Variants in ZNF398 observed in about 807,000 individuals in gnomAD.
The protein encoded by ZNF398 is zinc finger DNA binding protein ZER6.
In ZNF398, 18 loss-of-function variants were observed where a neutral mutation model predicts 41.9. The ratio of observed to expected loss-of-function variants is 0.43; its 90% CI spans 0.30 to 0.64. The LOEUF (loss-of-function observed/expected upper bound fraction) is 0.64, where lower values mean the gene tolerates loss of function less well. Among genes scored for constraint, ZNF398 ranks in the 30% least tolerant of loss-of-function variants. ZNF398 has a pLI of 0.14. For missense variants in ZNF398, 669 were observed against 822.8 expected, an observed-to-expected ratio of 0.81 and a Z score of 2.29; for synonymous variants, 260 against 308.8, an observed-to-expected ratio of 0.84 and a Z score of 1.66.
intron 2 of ZNF398, 21 bp from the exon 3 acceptor site, chr7:149,166,137 C>T: frequency 6.2e-7 from 1 of 1,611,932 alleles, no homozygotes; most frequent in East Asian, 2.2e-5. Context: ...AAGGGACTAA[C>T]CCATGTGATT....
At chr7:149,132,414 G>A (rs1233187922) in intron 2 of ZNF398, among the ~76,000 whole-genome samples, 1 of 151,900 alleles carries the variant, frequency 6.6e-6, no homozygotes. Flanking sequence ...GGCTGGTCTC[G>A]AACTCCTGAC....
chr7:149,155,731 A>ATTTTTTTTTTTTTTTTTT, intron 2 of ZNF398, among the ~76,000 whole-genome samples: 1 of 56,928 alleles, frequency 1.8e-5, no homozygotes, highest in Non-Finnish European at 3.6e-5. Flanking sequence ...TTTTTTTTTA[A>ATTTTTTTTTTTTTTTTTT]TTTTTTTTTT....
At chr7:149,128,348 A>G (rs1288981498) in intron 1 of ZNF398, among the ~76,000 whole-genome samples, 1 of 152,142 alleles carries the variant, frequency 6.6e-6, no homozygotes, top group Non-Finnish European at 1.5e-5. Flanking sequence ...CATAGAAAGG[A>G]GTGTCTGGGT....
chr7:149,148,784 T>A (rs1464795478), intron 1 of ZNF398, among the ~76,000 whole-genome samples: 1 of 151,582 alleles, frequency 6.6e-6, no homozygotes, highest in Non-Finnish European at 1.5e-5. Flanking sequence ...GGACTAGGAC[T>A]GCTTTAAATG....
chr7:149,156,504 CAAAAAAAAAAAAA>C (rs1184656145), intron 2 of ZNF398, among the ~76,000 whole-genome samples: 1 of 36,498 alleles, frequency 2.7e-5, no homozygotes, highest in Non-Finnish European at 6.0e-5. Context: ...GACTCCATCT[CAAAAAAAAAAAAA>C]AAAAAAAAAA....
chr7:149,142,139 A>AGTCTTTT (rs1433332509), intron 2 of ZNF398, among the ~76,000 whole-genome samples: 1 of 152,086 alleles, frequency 6.6e-6, no homozygotes, highest in East Asian at 1.9e-4. Flanking sequence ...TTGTAGAGAT[A>AGTCTTTT]ATTGCTATAG....
chr7:149,162,549 C>T (rs918107908), intron 2 of ZNF398, among the ~76,000 whole-genome samples: 4 of 151,998 alleles, frequency 2.6e-5, no homozygotes, highest in Admixed American at 1.3e-4. Flanking sequence ...AGGCTGGTTT[C>T]GAACTCCTAA....
intron 2 of ZNF398, among the ~76,000 whole-genome samples, chr7:149,165,551 GTACAAAGCTTCA>G (rs1795210453): frequency 6.6e-6 from 1 of 152,184 alleles, no homozygotes; most frequent in African/African-American, 2.4e-5. Flanking sequence ...TTTGAAGAAT[GTACAAAGCTTCA>G]GAAAAGACTA....
intron 4 of ZNF398, among the ~76,000 whole-genome samples, chr7:149,168,802 G>C (rs997761136): frequency 6.6e-6 from 1 of 151,838 alleles, no homozygotes; most frequent in Non-Finnish European, 1.5e-5. Flanking sequence ...TGATCCACCC[G>C]CCTTGGCTTC....
chr7:149,128,783 T>TAAAATAAAATAAAATAAAATAAA (rs1826538178), intron 1 of ZNF398: 2 of 14,706 alleles, frequency 1.4e-4, no homozygotes, highest in East Asian at 0.011. Flanking sequence ...AATAAAATTA[T>TAAAATAAAATAAAATAAAATAAA]ATATATATAT....
At chr7:149,169,024 A>G (rs1317087596) in intron 4 of ZNF398, among the ~76,000 whole-genome samples, 3 of 152,226 alleles carry the variant, frequency 2.0e-5, no homozygotes, top group African/African-American at 2.4e-5. Context: ...TCTTTGGTCT[A>G]CATTATTAGT....
chr7:149,147,827 GC>G lies in ZNF398; in HGVS notation c.24+62del. On this transcript the variant is annotated intron_variant, in intron 1 of 5. Transcript: ENST00000475153. The surrounding 1 kb of genome is among the most constrained non-coding windows in gnomAD (Gnocchi z 5.6). ...GAGACCCAGACCCCGAGGGAGGAAG[GC>G]GGGCGGGCAGGGAGCTGCCAGGCAT... 7.5e-7 allele frequency: 1 copy of G among 1,325,724 alleles called. No individual in the cohort carries two copies. The highest frequency in any genetic ancestry group is 9.7e-7 in the Non-Finnish European group (1 of 1,034,418). 82.1% of individuals were successfully genotyped at this position (1,325,724 alleles called of 1,614,324 possible).
chr7:149,173,091 CTATTTTTTTTTT>C (rs143832974), intron 4 of ZNF398, among the ~76,000 whole-genome samples: 1 of 67,184 alleles, frequency 1.5e-5, no homozygotes, highest in African/African-American at 5.3e-5. Flanking sequence ...GTGGCAATTT[CTATTTTTTTTTT>C]TTTTTTTTTT....
intron 1 of ZNF398, among the ~76,000 whole-genome samples, chr7:149,127,301 G>A (rs532449059): frequency 0.045 from 5,511 of 123,760 alleles, 325 homozygotes; most frequent in African/African-American, 0.13. Flanking sequence ...CCATGAGAAA[G>A]TAGTCCCTGC....
intron 3 of ZNF398, 70 bp downstream of exon 3, chr7:149,166,354 C>T: frequency 6.4e-7 from 1 of 1,573,518 alleles, no homozygotes; most frequent in Non-Finnish European, 8.7e-7. Flanking sequence ...AGTCCCTTTT[C>T]CTCCAGTGAC....
intron 4 of ZNF398, 87 bp from the exon 5 acceptor site, chr7:149,176,381 A>T: frequency 1.1e-6 from 1 of 924,428 alleles, no homozygotes. Context: ...ATTTGGGGCA[A>T]AATATAGTGT....
chr7:149,179,921 T>G lies in ZNF398; in HGVS notation c.*120T>G. 2.1e-6 allele frequency: 2 copies of G among 949,372 alleles called. No homozygotes were observed. Among genetic ancestry groups the G allele is most frequent in the East Asian group, 5.7e-5 (2 of 34,928 alleles). 58.8% of individuals were successfully genotyped at this position (949,372 alleles called of 1,614,324 possible). A position where few individuals can be genotyped will look rare whatever the true frequency, so the allele number is the denominator to read the frequency against. On this transcript the variant is annotated 3_prime_UTR_variant, in exon 6 of 6. Coordinates refer to ENST00000475153, the MANE Select transcript of ZNF398 (RefSeq NM_170686.3). The surrounding 1 kb of genome is among the most constrained non-coding windows in gnomAD (Gnocchi z 6.1). ...TTATTATCTGGCACATCAATGAATT[T>G]GGGGTCCTATACACTTGACTAGAGA...
At chr7:149,156,075 C>T (rs1329667253) in intron 2 of ZNF398, among the ~76,000 whole-genome samples, 3 of 151,654 alleles carry the variant, frequency 2.0e-5, no homozygotes, top group African/African-American at 7.3e-5. Flanking sequence ...GAGGATGGAT[C>T]GTAGGGGAAG....
intron 1 of ZNF398, among the ~76,000 whole-genome samples, chr7:149,152,171 A>G (rs1827134187): frequency 6.6e-6 from 1 of 151,766 alleles, no homozygotes; most frequent in South Asian, 2.1e-4. Context: ...CTGAGATGGC[A>G]CCACTGTACT....
Sources: allele counts gnomAD v4.1 joint callset (sites outside exome capture counted in the v4.1 genomes callset), GRCh38; gene constraint gnomAD v4.1.1; non-coding constraint Gnocchi (gnomAD v3.1); transcripts MANE v1.5; gene names NCBI Gene and HGNC (gene_info 2026-07-23, HGNC 2026-07-21).